Variants in ZFAND3 observed in about 807,000 individuals in gnomAD.
ZFAND3 encodes the protein zinc finger AN1-type containing 3.
A neutral mutation model predicts 29.6 loss-of-function variants in ZFAND3; 10 were observed. The ratio of observed to expected loss-of-function variants is 0.34; its 90% confidence interval spans 0.21 to 0.57. The LOEUF is 0.57. Among genes scored for constraint, ZFAND3 ranks in the 20% least tolerant of loss-of-function variants. ZFAND3 has a pLI of 0.86. For synonymous variants in ZFAND3, 128 were observed against 112.6 expected (o/e 1.14, Z -0.87); for missense variants, 230 against 304.5 (o/e 0.76, Z 1.82).
intron 1 of ZFAND3, among the ~76,000 whole-genome samples, chr6:37,925,703 C>A (rs1022600938): frequency 2.1e-3 from 254 of 118,524 alleles, no homozygotes; most frequent in African/African-American, 2.4e-3. Context: ...CACTCCATCT[C>A]AAAAAAAAAA....
chr6:37,877,514 C>G (rs1206157208), intron 1 of ZFAND3, among the ~76,000 whole-genome samples: 1 of 150,118 alleles, frequency 6.7e-6, no homozygotes, highest in Non-Finnish European at 1.5e-5. Context: ...TTTTGCAAGC[C>G]TTGTGATAGA....
intron 2 of ZFAND3, among the ~76,000 whole-genome samples, chr6:38,022,438 C>T (rs2127447879): frequency 6.6e-6 from 1 of 152,336 alleles, no homozygotes; most frequent in Non-Finnish European, 1.5e-5. Flanking sequence ...TTTTAAAATG[C>T]AGCTATTTCT....
chr6:38,025,862 C>G (rs762522572), intron 2 of ZFAND3, among the ~76,000 whole-genome samples: 2 of 152,078 alleles, frequency 1.3e-5, no homozygotes, highest in Admixed American at 6.5e-5. Context: ...TTAGAGCTGC[C>G]GGTGGGAGTT....
chr6:38,071,550 G>A (rs530318830), intron 3 of ZFAND3, among the ~76,000 whole-genome samples: 97 of 152,046 alleles, frequency 6.4e-4, no homozygotes, highest in Admixed American at 1.4e-3. Flanking sequence ...TGGTCAACCT[G>A]TATATTTCTG....
intron 2 of ZFAND3, among the ~76,000 whole-genome samples, chr6:37,965,393 C>T (rs1045793829): frequency 6.6e-6 from 1 of 152,042 alleles, no homozygotes; most frequent in Admixed American, 6.6e-5. Flanking sequence ...AATATATATG[C>T]GCACACATGT....
intron 2 of ZFAND3, among the ~76,000 whole-genome samples, chr6:38,017,054 C>A (rs930445525): frequency 8.5e-5 from 13 of 152,216 alleles, no homozygotes; most frequent in African/African-American, 2.7e-4. Flanking sequence ...TGGAAGTATA[C>A]ATTGCTATCT....
At chr6:38,078,776 T>A (rs1764602717) in intron 3 of ZFAND3, among the ~76,000 whole-genome samples, 1 of 152,136 alleles carries the variant, frequency 6.6e-6, no homozygotes, top group African/African-American at 2.4e-5. Context: ...ATGAAGAGGC[T>A]TTCTCACCTT....
intron 1 of ZFAND3, among the ~76,000 whole-genome samples, chr6:37,820,857 C>T (rs113202867): frequency 6.6e-5 from 10 of 152,302 alleles, no homozygotes; most frequent in Admixed American, 2.0e-4. Flanking sequence ...AGCTCCTCTT[C>T]CTCCCCCCAT....
At chr6:37,919,389 T>G (rs1264899813) in intron 1 of ZFAND3, among the ~76,000 whole-genome samples, 1 of 152,248 alleles carries the variant, frequency 6.6e-6, no homozygotes, top group African/African-American at 2.4e-5. Context: ...TTCCTAGTTA[T>G]GAACAGATTT....
At chr6:38,135,226 A>G (rs532492652) in intron 5 of ZFAND3, among the ~76,000 whole-genome samples, 1 of 152,224 alleles carries the variant, frequency 6.6e-6, no homozygotes, top group Non-Finnish European at 1.5e-5. Flanking sequence ...GGGCTAGCAC[A>G]CTTCAGATCT....
intron 2 of ZFAND3, among the ~76,000 whole-genome samples, chr6:37,974,780 CT>C (rs970581982): frequency 2.6e-5 from 4 of 152,134 alleles, no homozygotes; most frequent in Non-Finnish European, 4.4e-5. Context: ...ATAGTTCATT[CT>C]TTTCTTTTGC....
At chr6:38,121,573 C>T (rs963038093) in intron 5 of ZFAND3, among the ~76,000 whole-genome samples, 1 of 152,078 alleles carries the variant, frequency 6.6e-6, no homozygotes, top group Non-Finnish European at 1.5e-5. Context: ...AGAATACAAC[C>T]CTCTATCCCT....
At chr6:37,866,172 T>C (rs555887505) in intron 1 of ZFAND3, among the ~76,000 whole-genome samples, 23 of 152,268 alleles carry the variant, frequency 1.5e-4, no homozygotes, top group African/African-American at 5.5e-4. Context: ...GCTCTGTTTG[T>C]CCCAGGTGGA....
At chr6:37,950,996 G>T (rs559257238) in intron 2 of ZFAND3, among the ~76,000 whole-genome samples, 1 of 152,236 alleles carries the variant, frequency 6.6e-6, no homozygotes, top group South Asian at 2.1e-4. Context: ...CTTCCTATCC[G>T]TGAGCATGGA....
intron 2 of ZFAND3, among the ~76,000 whole-genome samples, chr6:37,977,802 A>G (rs1762508382): frequency 1.6e-5 from 1 of 62,954 alleles, no homozygotes; most frequent in Admixed American, 1.5e-4. Flanking sequence ...CAAATGAAGA[A>G]TGAATGTTGA....
At chr6:37,903,815 A>G (rs1765361649) in intron 1 of ZFAND3, among the ~76,000 whole-genome samples, 1 of 152,210 alleles carries the variant, frequency 6.6e-6, no homozygotes, top group African/African-American at 2.4e-5. Context: ...TGTACCTTGT[A>G]AGTTGCTAGC....
chr6:38,028,831 A>G (rs764999112), intron 2 of ZFAND3, among the ~76,000 whole-genome samples: 85 of 152,314 alleles, frequency 5.6e-4, no homozygotes, highest in Non-Finnish European at 1.1e-3. Context: ...TACAGAGTAT[A>G]GCTAGGTGAC....
At chr6:38,092,489 A>G (rs560338718) in intron 4 of ZFAND3, among the ~76,000 whole-genome samples, 2 of 152,254 alleles carry the variant, frequency 1.3e-5, no homozygotes, top group Non-Finnish European at 2.9e-5. Flanking sequence ...CATTAGGAGC[A>G]AATATAGTAC....
intron 2 of ZFAND3, among the ~76,000 whole-genome samples, chr6:37,972,486 G>C (rs759693811): frequency 2.0e-5 from 3 of 152,156 alleles, no homozygotes; most frequent in Non-Finnish European, 4.4e-5. Context: ...TTGGACTCTT[G>C]TAGGTATATG....
Sources: allele counts gnomAD v4.1 joint callset (sites outside exome capture counted in the v4.1 genomes callset), GRCh38; gene constraint gnomAD v4.1.1; transcripts MANE v1.5; gene names NCBI Gene and HGNC (gene_info 2026-07-23, HGNC 2026-07-21).